RGS6: variants seen among roughly 807,000 people sequenced by gnomAD.
The protein encoded by RGS6 is regulator of G protein signaling 6.
A neutral mutation model predicts 78.5 loss-of-function variants in RGS6; 30 were observed. The ratio of observed to expected loss-of-function variants is 0.38; its 90% CI spans 0.29 to 0.52. The LOEUF (loss-of-function observed/expected upper bound fraction) is 0.52. RGS6 is among the 20% of genes least tolerant of loss of function. The pLI, the probability that RGS6 is intolerant of heterozygous loss-of-function variation, is 0.85. For missense variants in RGS6, 495 were observed against 609.7 expected, an observed-to-expected ratio of 0.81 and a Z score of 1.98; for synonymous variants, 206 against 206.0, an observed-to-expected ratio of 1.00 and a Z score of 0.00.
chr14:71,904,567 G>T, the RGS6 span, among the ~76,000 whole-genome samples: 2 of 152,246 alleles, frequency 1.3e-5, no homozygotes, highest in African/African-American at 4.8e-5. Flanking sequence ...AAATGATGTT[G>T]TTTGGGCCTC....
chr14:72,396,382 GTTGT>G (rs1414700130), intron 3 of RGS6, among the ~76,000 whole-genome samples: 4 of 152,114 alleles, frequency 2.6e-5, no homozygotes, highest in East Asian at 3.9e-4. Context: ...TTTTGATGGG[GTTGT>G]TTGTTTTTTT....
chr14:71,982,241 C>T (rs922181407), intron 2 of RGS6, among the ~76,000 whole-genome samples: 12 of 152,264 alleles, frequency 7.9e-5, no homozygotes, highest in South Asian at 6.2e-4. Context: ...AGAAATCACC[C>T]GTCTTCTGCG....
chr14:72,617,539 A>G, the RGS6 span, among the ~76,000 whole-genome samples: 3 of 152,168 alleles, frequency 2.0e-5, no homozygotes, highest in Admixed American at 6.5e-5. Context: ...CCTTTAAATG[A>G]GACCATTATG....
intron 2 of RGS6, among the ~76,000 whole-genome samples, chr14:72,252,145 G>A (rs141750557): frequency 6.6e-6 from 1 of 152,272 alleles, no homozygotes; most frequent in Admixed American, 6.5e-5. Context: ...TCCCTGGAGG[G>A]TTAAGGAATG....
At chr14:72,388,723 C>T (rs2089050655) in intron 3 of RGS6, among the ~76,000 whole-genome samples, 1 of 152,204 alleles carries the variant, frequency 6.6e-6, no homozygotes, top group African/African-American at 2.4e-5. Context: ...TCTGAAGCCG[C>T]ACTCTCTGGG....
At chr14:72,261,341 A>C (rs1400847356) in intron 2 of RGS6, among the ~76,000 whole-genome samples, 3 of 152,194 alleles carry the variant, frequency 2.0e-5, no homozygotes, top group African/African-American at 7.2e-5. Context: ...GCAGAGGAGG[A>C]GGGTAAAAGG....
At chr14:72,610,092 C>T in the RGS6 span, among the ~76,000 whole-genome samples, 3 of 152,236 alleles carry the variant, frequency 2.0e-5, no homozygotes, top group Non-Finnish European at 4.4e-5. Flanking sequence ...GACAAGCAAG[C>T]ATTTTGGAAT....
At chr14:72,369,220 G>A (rs1016866799) in intron 3 of RGS6, among the ~76,000 whole-genome samples, 7 of 152,204 alleles carry the variant, frequency 4.6e-5, no homozygotes, top group African/African-American at 1.2e-4. Context: ...CCTTACAAAT[G>A]AGAGTCTGAG....
At chr14:72,159,685 T>G (rs1397883288) in intron 2 of RGS6, among the ~76,000 whole-genome samples, 1 of 152,190 alleles carries the variant, frequency 6.6e-6, no homozygotes, top group Non-Finnish European at 1.5e-5. Flanking sequence ...GCTCCACATA[T>G]GGCCTGTGAT....
chr14:71,936,780 A>G (rs1186373375), intron 1 of RGS6, among the ~76,000 whole-genome samples: 1 of 152,238 alleles, frequency 6.6e-6, no homozygotes, highest in Non-Finnish European at 1.5e-5. Context: ...GTATATATAC[A>G]CAAACATGTT....
chr14:72,578,490 T>TCCA, the RGS6 span, among the ~76,000 whole-genome samples: 1 of 152,178 alleles, frequency 6.6e-6, no homozygotes, highest in Non-Finnish European at 1.5e-5. Flanking sequence ...GTCAAAAGCT[T>TCCA]CCAGCACTAG....
intron 2 of RGS6, among the ~76,000 whole-genome samples, chr14:72,206,863 A>G (rs2042840648): frequency 5.1e-4 from 3 of 5,890 alleles, no homozygotes; most frequent in Admixed American, 3.6e-3. Flanking sequence ...ATGTATATAT[A>G]TAAAATACAT....
chr14:72,452,224 T>TTCTCTCTCTCTCTC (rs56308165), intron 3 of RGS6, among the ~76,000 whole-genome samples: 3 of 147,948 alleles, frequency 2.0e-5, no homozygotes, highest in African/African-American at 5.0e-5. Flanking sequence ...CACATATTCA[T>TTCTCTCTCTCTCTC]TCTCTCTCTC....
intron 2 of RGS6, among the ~76,000 whole-genome samples, chr14:72,252,389 C>T (rs569253459): frequency 6.6e-6 from 1 of 152,248 alleles, no homozygotes; most frequent in South Asian, 2.1e-4. Flanking sequence ...TCTGACAGCC[C>T]TAAATCAGGG....
chr14:72,437,520 C>T (rs2094984927), intron 3 of RGS6, among the ~76,000 whole-genome samples: 1 of 152,094 alleles, frequency 6.6e-6, no homozygotes, highest in African/African-American at 2.4e-5. Context: ...TGCTTGAAAT[C>T]TAATCCATTT....
chr14:72,542,952 G>A (rs1199011285), intron 17 of RGS6, among the ~76,000 whole-genome samples: 1 of 151,520 alleles, frequency 6.6e-6, no homozygotes, highest in Non-Finnish European at 1.5e-5. Flanking sequence ...GGGTGACGAA[G>A]GGGCCTGGTA....
At chr14:72,194,546 G>A (rs1481241480) in intron 2 of RGS6, among the ~76,000 whole-genome samples, 2 of 152,012 alleles carry the variant, frequency 1.3e-5, no homozygotes, top group African/African-American at 4.8e-5. Context: ...AGTTTTTGTA[G>A]AGACAGGGTC....
intron 1 of RGS6, among the ~76,000 whole-genome samples, chr14:71,959,528 G>A (rs559054672): frequency 7.9e-5 from 12 of 152,294 alleles, no homozygotes; most frequent in African/African-American, 2.9e-4. Context: ...CACTAAGAGT[G>A]GCAGGCATGA....
At chr14:71,925,504 CT>C in the RGS6 span, among the ~76,000 whole-genome samples, 33 of 152,200 alleles carry the variant, frequency 2.2e-4, no homozygotes, top group Middle Eastern at 3.4e-3. Context: ...AGCTTTCCCC[CT>C]ATGTTTTCTT....
Sources: gnomAD v4.1 joint callset for allele counts (sites outside exome capture counted in the v4.1 genomes callset) on GRCh38, gnomAD v4.1.1 for gene constraint, MANE v1.5 for transcripts, NCBI Gene and HGNC (gene_info 2026-07-23, HGNC 2026-07-21) for gene names.